The following LARP4B variants were observed in gnomAD, a reference collection of about 807,000 sequenced individuals.
LARP4B encodes La ribonucleoprotein 4B.
LARP4B carries 12 observed loss-of-function variants against 89.8 expected under a neutral mutation model. That is an observed-to-expected ratio of 0.13 (90% CI 0.09 to 0.22). The LOEUF is 0.22. Among genes scored for constraint, LARP4B ranks in the 10% least tolerant of loss-of-function variants. The pLI, the probability that LARP4B is intolerant of heterozygous loss-of-function variation, is 1.00. For missense variants in LARP4B, 757 were observed against 947.7 expected (o/e 0.80, Z 2.64); for synonymous variants, 367 against 363.3 (o/e 1.01, Z -0.12).
At chr10:979,935 T>C in the LARP4B span, among the ~76,000 whole-genome samples, 35 of 152,140 alleles carry the variant, frequency 2.3e-4, no homozygotes, top group Non-Finnish European at 4.4e-4. Context: ...CGCACCACTG[T>C]ACTCCAGCCT....
Position 836,501 on chromosome 10 carries a change from G to C in LARP4B, c.652C>G (p.Pro218Ala). 1 of 1,601,874 alleles carries C rather than the reference G, an allele frequency of 6.2e-7. No individual in the cohort carries two copies. Among genetic ancestry groups the C allele is most frequent in the Non-Finnish European group, 8.5e-7 (1 of 1,170,722 alleles). ...CCCTTTTCATCCACTTGGACTAAAG[G>C]TAAAGCTACAAAGAGAAGAAAAATC... ...DLIVEVLRSL[P>A]LVQVDEKGEK... is the part of the protein sequence containing the mutation. The change falls in exon 8 of 18, where the codon CCT (proline) becomes GCT (alanine). Residue 218 changes from proline (P) to alanine (A), a missense_variant. Physicochemically the swap from Pro to Ala is conservative, Grantham distance 27. Coordinates refer to ENST00000316157, the MANE Select transcript of LARP4B (RefSeq NM_015155.3).
chr10:893,215 C>G (rs1836088501), intron 1 of LARP4B, among the ~76,000 whole-genome samples: 1 of 151,956 alleles, frequency 6.6e-6, no homozygotes, highest in South Asian at 2.1e-4. Context: ...CTGTGCCTGG[C>G]CACACCAAGA....
At chr10:947,507 G>A in the LARP4B span, among the ~76,000 whole-genome samples, 1 of 152,148 alleles carries the variant, frequency 6.6e-6, no homozygotes, top group East Asian at 1.9e-4. Flanking sequence ...ATGTTCTGTG[G>A]CCCTGGAAGG....
At chr10:932,007 G>A (rs1160604835), upstream of LARP4B, among the ~76,000 whole-genome samples, 1 of 58,078 alleles carries the variant, frequency 1.7e-5, no homozygotes, top group Non-Finnish European at 3.4e-5. Flanking sequence ...CGCCGTCCCC[G>A]GCGCGACCGG....
At chr10:843,226 C>T (rs1403681493) in intron 6 of LARP4B, among the ~76,000 whole-genome samples, 158 bp from the exon 7 acceptor site, 1 of 152,156 alleles carries the variant, frequency 6.6e-6, no homozygotes, top group Non-Finnish European at 1.5e-5. Context: ...TCTCTCCAGC[C>T]TCAGGTACAT....
rs1449345778 is a variant in LARP4B, at chr10:864,725, G to A, written c.142-455C>T. On this transcript the variant is annotated intron_variant, in intron 3 of 17. Transcript: ENST00000316157. Reference sequence around the variant, plus strand: ...TCCCAGCACTTTGGGAGGCCAAGGCGGGCGGATCACCTGAGGCCAGGAGTT... The same window carrying A: ...TCCCAGCACTTTGGGAGGCCAAGGCAGGCGGATCACCTGAGGCCAGGAGTT... Among the ~76,000 whole-genome samples the A allele has an allele frequency of 3.9e-5, 6 of 152,310 alleles. No homozygotes were observed. In the South Asian group the frequency reaches 1.0e-3, roughly 26 times the overall value.
chr10:866,092 A>AT (rs1462244351), intron 3 of LARP4B, among the ~76,000 whole-genome samples: 5 of 152,160 alleles, frequency 3.3e-5, no homozygotes, highest in African/African-American at 4.8e-5. Context: ...AAACTGAGAG[A>AT]AGGCAGCTGA....
chr10:974,229 A>G, the LARP4B span, among the ~76,000 whole-genome samples: 1 of 146,080 alleles, frequency 6.8e-6, no homozygotes, highest in Admixed American at 6.8e-5. Context: ...AGGTCCCATG[A>G]GGAGTGACTC....
chr10:947,771 G>A, the LARP4B span, among the ~76,000 whole-genome samples: 7 of 151,588 alleles, frequency 4.6e-5, no homozygotes, highest in Non-Finnish European at 8.8e-5. Flanking sequence ...ACAGGGATGC[G>A]CCACCACGCC....
At chr10:965,265 C>T in the LARP4B span, among the ~76,000 whole-genome samples, 6 of 152,324 alleles carry the variant, frequency 3.9e-5, no homozygotes, top group East Asian at 3.9e-4. Context: ...TGGTGCTCAG[C>T]GGAACGTCCC....
chr10:829,754 C>A lies in LARP4B; in HGVS notation c.862-20G>T, dbSNP rs745593956. 10 of 1,592,906 alleles carry A rather than the reference C, an allele frequency of 6.3e-6. No individual in the cohort carries two copies. The highest frequency in any genetic ancestry group is 8.6e-6 in the Non-Finnish European group (10 of 1,161,908). Reference sequence around the variant, plus strand: ...GTAAGCCTAAGGGCAAAATTAAGTACAAAATTCCATTCGATTAACCTTATG... The same window carrying A: ...GTAAGCCTAAGGGCAAAATTAAGTAAAAAATTCCATTCGATTAACCTTATG... On this transcript the variant is annotated intron_variant, in intron 9 of 17. Transcript: ENST00000316157.
chr10:988,142 G>A, the LARP4B span: 236,757 of 263,946 alleles, frequency 0.9, 106,471 homozygotes, highest in East Asian at 0.92. Context: ...CCCAGGGCGC[G>A]TGGCTGGGGG....
intron 13 of LARP4B, among the ~76,000 whole-genome samples, chr10:823,600 C>CT (rs1832467027): frequency 6.6e-6 from 1 of 151,222 alleles, no homozygotes; most frequent in African/African-American, 2.4e-5. Context: ...GCCGGGGGGC[C>CT]TTGTCCATCT....
chr10:925,547 T>C (rs1185416338), intron 1 of LARP4B, among the ~76,000 whole-genome samples: 2 of 152,204 alleles, frequency 1.3e-5, no homozygotes, highest in Non-Finnish European at 2.9e-5. Context: ...TATTTCATTT[T>C]TTTTCAGACA....
intron 1 of LARP4B, among the ~76,000 whole-genome samples, chr10:909,650 T>C (rs1176229244): frequency 6.6e-6 from 1 of 151,890 alleles, no homozygotes; most frequent in African/African-American, 2.4e-5. Context: ...GCAGGCATGG[T>C]GGCAGGAGCC....
At chr10:950,558 A>AT in the LARP4B span, among the ~76,000 whole-genome samples, 1 of 152,184 alleles carries the variant, frequency 6.6e-6, no homozygotes, top group Non-Finnish European at 1.5e-5. Context: ...TTCAATAGGA[A>AT]TTGCATTAAA....
chr10:966,103 T>C, the LARP4B span, among the ~76,000 whole-genome samples: 13 of 151,586 alleles, frequency 8.6e-5, no homozygotes, highest in East Asian at 2.3e-3. Context: ...TTTATTTTGT[T>C]TCTATCTAAA....
chr10:938,242 GGT>G, the LARP4B span, among the ~76,000 whole-genome samples: 1 of 144,884 alleles, frequency 6.9e-6, no homozygotes, highest in East Asian at 2.1e-4. Context: ...TTCTTGAATT[GGT>G]TCTTTTTCTT....
chr10:979,699 C>T, the LARP4B span, among the ~76,000 whole-genome samples: 3 of 152,288 alleles, frequency 2.0e-5, no homozygotes, highest in East Asian at 1.9e-4. Flanking sequence ...CAGCCAGATG[C>T]GGTGGCTGAT....
Sources: allele counts gnomAD v4.1 joint callset (sites outside exome capture counted in the v4.1 genomes callset), GRCh38; gene constraint gnomAD v4.1.1; transcripts MANE v1.5; gene names NCBI Gene and HGNC (gene_info 2026-07-23, HGNC 2026-07-21).